Variants in CMSS1 observed in about 807,000 individuals in gnomAD.
CMSS1 encodes the protein cms1 ribosomal small subunit homolog, also known as protein CMSS1.
In CMSS1, 33 loss-of-function variants were observed where a neutral mutation model predicts 43.5. The observed-to-expected ratio is 0.76, with a 90% CI of 0.57 to 1.01. The LOEUF is 1.01. Ranked by LOEUF, CMSS1 falls within the 50% of genes least tolerant of loss-of-function variation. CMSS1 has a pLI of 0.00. For missense variants in CMSS1, 313 were observed against 326.4 expected (o/e 0.96, Z 0.32); for synonymous variants, 115 against 117.2 (o/e 0.98, Z 0.12).
At chr3:100,172,023 C>T (rs1332089692) in intron 7 of CMSS1, 124 bp downstream of exon 7, 11 of 785,694 alleles carry the variant, frequency 1.4e-5, no homozygotes, top group East Asian at 5.3e-5. Flanking sequence ...TAACATTTAA[C>T]AACTTTTCTG....
chr3:99,890,333 A>G (rs572260422), intron 1 of CMSS1, among the ~76,000 whole-genome samples: 8 of 151,968 alleles, frequency 5.3e-5, no homozygotes, highest in African/African-American at 1.9e-4. Flanking sequence ...TTAAATGCAG[A>G]TTTCTTTTAT....
chr3:99,819,963 C>T (rs1191697617), intron 1 of CMSS1, among the ~76,000 whole-genome samples: 1 of 151,772 alleles, frequency 6.6e-6, no homozygotes. Flanking sequence ...CCATGTTGGC[C>T]AGGCTGGTCT....
At chr3:100,053,656 G>A (rs529350592) in intron 1 of CMSS1, among the ~76,000 whole-genome samples, 1 of 152,230 alleles carries the variant, frequency 6.6e-6, no homozygotes, top group South Asian at 2.1e-4. Context: ...ATTCAACCTG[G>A]TACAGCCAGT....
chr3:99,908,798 C>T (rs1706701554), intron 1 of CMSS1, among the ~76,000 whole-genome samples: 1 of 152,046 alleles, frequency 6.6e-6, no homozygotes, highest in Non-Finnish European at 1.5e-5. Flanking sequence ...AAGTTATTTA[C>T]AAGAGACCTT....
intron 1 of CMSS1, among the ~76,000 whole-genome samples, chr3:100,088,290 A>G (rs1217416496): frequency 6.6e-6 from 1 of 152,226 alleles, no homozygotes; most frequent in East Asian, 1.9e-4. Context: ...AGAAAAAAAT[A>G]GTTTCATTTC....
Position 99,923,878 on chromosome 3 carries a change from CTT to C in CMSS1, c.64+105838_64+105839del, listed in dbSNP as rs553161243. Among the ~76,000 whole-genome samples the C allele has an allele frequency of 4.6e-5, 7 of 152,204 alleles. 1 individual carries two copies. Among genetic ancestry groups the C allele is most frequent in the Non-Finnish European group, 1.0e-4 (7 of 68,024 alleles). ...CTTGAGTTCCCTCAAAATGCAGGTT[CTT>C]TTCTCACTTCTATACTAACACACTT... On this transcript the variant is annotated intron_variant, in intron 1 of 9. Coordinates refer to ENST00000421999, the MANE Select transcript of CMSS1 (RefSeq NM_032359.4).
intron 1 of CMSS1, among the ~76,000 whole-genome samples, chr3:99,947,098 A>T: frequency 7.1e-6 from 1 of 139,986 alleles, no homozygotes; most frequent in Non-Finnish European, 1.5e-5. Flanking sequence ...AGATTGTGCC[A>T]CTGCACTCCA....
chr3:100,068,305 C>T (rs151308144), intron 1 of CMSS1, among the ~76,000 whole-genome samples: 3 of 151,858 alleles, frequency 2.0e-5, no homozygotes, highest in Non-Finnish European at 4.4e-5. Flanking sequence ...TATTATAAAC[C>T]TGGATGGATG....
chr3:99,846,072 T>C (rs1375625431), intron 1 of CMSS1, among the ~76,000 whole-genome samples: 1 of 152,192 alleles, frequency 6.6e-6, no homozygotes, highest in Admixed American at 6.5e-5. Context: ...CCTTTCAAAA[T>C]GGGTGGGCTG....
At chr3:99,859,072 T>C (rs534756715) in intron 1 of CMSS1, among the ~76,000 whole-genome samples, 1 of 152,378 alleles carries the variant, frequency 6.6e-6, no homozygotes, top group South Asian at 2.1e-4. Flanking sequence ...ATGACAAAAC[T>C]GTTTTCATAA....
chr3:100,101,750 C>G (rs1369939554), intron 1 of CMSS1, among the ~76,000 whole-genome samples: 1 of 152,102 alleles, frequency 6.6e-6, no homozygotes, highest in East Asian at 1.9e-4. Flanking sequence ...AGGTGTATCT[C>G]CTAATGCTAT....
At chr3:99,847,399 G>C (rs143832095) in intron 1 of CMSS1, among the ~76,000 whole-genome samples, 1 of 151,708 alleles carries the variant, frequency 6.6e-6, no homozygotes. Flanking sequence ...TGTCACAGTG[G>C]CTGGTTCCAG....
Position 100,123,422 on chromosome 3 carries a change from G to A in CMSS1, c.65-23551G>A, listed in dbSNP as rs577060919. 1.1e-3 allele frequency among the ~76,000 whole-genome samples: 165 copies of A among 152,328 alleles called. 1 individual carries two copies. The highest frequency in any genetic ancestry group is 3.8e-3 in the African/African-American group (156 of 41,580). On this transcript the variant is annotated intron_variant, in intron 1 of 9. Coordinates refer to ENST00000421999, the MANE Select transcript of CMSS1 (RefSeq NM_032359.4). ...AGGGTCCCAGTTAGGGGAGCCCTGGGGGTGGTGCTAGGGAGTGTGAGTGTT... is the reference window on the plus strand; with the variant it reads ...AGGGTCCCAGTTAGGGGAGCCCTGGAGGTGGTGCTAGGGAGTGTGAGTGTT...
At chr3:99,984,147 A>C (rs1455821261) in intron 1 of CMSS1, among the ~76,000 whole-genome samples, 1 of 152,066 alleles carries the variant, frequency 6.6e-6, no homozygotes, top group African/African-American at 2.4e-5. Flanking sequence ...CTGGAAGTCC[A>C]TCACAAATTG....
intron 1 of CMSS1, among the ~76,000 whole-genome samples, chr3:100,142,119 A>G (rs2066810427): frequency 6.6e-6 from 1 of 152,238 alleles, no homozygotes; most frequent in South Asian, 2.1e-4. Flanking sequence ...AAGGTGTCAC[A>G]TAAAATAACT....
chr3:99,996,791 G>A (rs1254857727), intron 1 of CMSS1, among the ~76,000 whole-genome samples: 2 of 151,730 alleles, frequency 1.3e-5, no homozygotes, highest in Non-Finnish European at 2.9e-5. Context: ...GGGGAAAACC[G>A]GCCCCATGAT....
At chr3:100,126,726 C>T (rs1023808849) in intron 1 of CMSS1, among the ~76,000 whole-genome samples, 1 of 152,120 alleles carries the variant, frequency 6.6e-6, no homozygotes, top group African/African-American at 2.4e-5. Flanking sequence ...GGGCTGGATG[C>T]GGTGGCTCAT....
At chr3:99,831,088 T>G (rs2107484137) in intron 1 of CMSS1, among the ~76,000 whole-genome samples, 1 of 152,334 alleles carries the variant, frequency 6.6e-6, no homozygotes, top group South Asian at 2.1e-4. Context: ...ATCAAGAGCC[T>G]TATGAATCTT....
Position 99,936,210 on chromosome 3 carries a change from C to T in CMSS1, c.64+118167C>T, listed in dbSNP as rs553469535. 5.3e-5 allele frequency among the ~76,000 whole-genome samples: 8 copies of T among 151,578 alleles called. No individual in the cohort carries two copies. The South Asian group carries it at 1.5e-3, about 28-fold the overall frequency. On this transcript the variant is annotated intron_variant, in intron 1 of 9. Transcript: ENST00000421999. ...TGGTCTTGGTCATTTAATATGGTAT[C>T]GAGGTAGCCAAGCAAAACTACTCCA...
Sources: gnomAD v4.1 joint callset for allele counts (sites outside exome capture counted in the v4.1 genomes callset) on GRCh38, gnomAD v4.1.1 for gene constraint, MANE v1.5 for transcripts, NCBI Gene and HGNC (gene_info 2026-07-23, HGNC 2026-07-21) for gene names.